USP12: variants seen among roughly 807,000 people sequenced by gnomAD.
The protein encoded by USP12 is ubiquitin carboxyl-terminal hydrolase 12.
In USP12, 19 loss-of-function variants were observed where a neutral mutation model predicts 45.5. The ratio of observed to expected loss-of-function variants is 0.42; its 90% CI spans 0.29 to 0.61. The LOEUF is 0.61. USP12 is among the 20% of genes least tolerant of loss of function. USP12 has a pLI of 0.22. For synonymous variants in USP12, 149 were observed against 148.8 expected (o/e 1.00, Z -0.01); for missense variants, 242 against 447.7 (o/e 0.54, Z 4.15).
chr13:27,095,667 T>C lies in USP12; in HGVS notation c.507A>G (p.Pro169=), dbSNP rs779190760. The change falls in exon 4 of 9, where the codon CCA becomes CCG. Residue 169 remains proline (P), a synonymous_variant. Transcript: ENST00000282344. Reference sequence around the variant, plus strand: ...CCTGAAAAATCTCATGAACCCACGTTGGGTCTGGTGTGCTGTTATTATTTT... The same window carrying C: ...CCTGAAAAATCTCATGAACCCACGTCGGGTCTGGTGTGCTGTTATTATTTT... ...DNENNNSTPD[P]TWVHEIFQGT... 6 of 1,612,766 alleles carry C rather than the reference T, an allele frequency of 3.7e-6. No homozygotes were observed. Among genetic ancestry groups the C allele is most frequent in the Non-Finnish European group, 5.1e-6 (6 of 1,179,458 alleles).
In USP12 at chr13:27,095,668, G is replaced by C. The variant is rs946174783; in HGVS notation, c.506C>G (p.Pro169Arg). 1.4e-5 allele frequency: 23 copies of C among 1,612,530 alleles called. No individual in the cohort carries two copies. In the African/African-American group the frequency reaches 1.7e-4, roughly 12 times the overall value. The change falls in exon 4 of 9, where the codon CCA (proline) becomes CGA (arginine). Residue 169 changes from proline to arginine, a missense_variant. This residue lies in a region of USP12 where 40 missense variants were observed against 38.6 expected (regional missense o/e 1.04). Coordinates refer to ENST00000282344, the MANE Select transcript of USP12 (RefSeq NM_182488.4). The stretch of plus-strand genomic sequence containing the variant: ...CTGAAAAATCTCATGAACCCACGTT[G>C]GGTCTGGTGTGCTGTTATTATTTTC... ...DNENNNSTPDPTWVHEIFQGT... is the reference protein window; with the variant it reads ...DNENNNSTPDRTWVHEIFQGT...
At chr13:27,159,688 T>C (rs1156245606) in intron 1 of USP12, among the ~76,000 whole-genome samples, 1 of 152,238 alleles carries the variant, frequency 6.6e-6, no homozygotes, top group East Asian at 1.9e-4. Flanking sequence ...TCTGAATCTG[T>C]GAAATGCCTA....
At chr13:27,156,039 AATG>A (rs1369600600) in intron 1 of USP12, among the ~76,000 whole-genome samples, 1 of 152,218 alleles carries the variant, frequency 6.6e-6, no homozygotes, top group African/African-American at 2.4e-5. Flanking sequence ...GGATCTAGGC[AATG>A]ATTATCAACA....
At chr13:27,163,504 A>G (rs572550115) in intron 1 of USP12, among the ~76,000 whole-genome samples, 7 of 152,258 alleles carry the variant, frequency 4.6e-5, no homozygotes, top group Admixed American at 2.6e-4. Context: ...ACATATAATT[A>G]CCATTACTTA....
rs889798639 is a variant in USP12, at chr13:27,067,641, A to C, written c.*1642T>G. 1.3e-5 allele frequency: 2 copies of C among 152,192 alleles called. No individual in the cohort carries two copies. The highest frequency in any genetic ancestry group is 2.9e-5 in the Non-Finnish European group (2 of 68,026). The allele number at this position is 152,192 out of a possible 1,614,324, so 9.4% of individuals were successfully genotyped here. Reference sequence around the variant, plus strand: ...AGTCATTTCCTGAGCCAAAAGATACAGATAATAAATGTTAATAATAGCAGC... The same window carrying C: ...AGTCATTTCCTGAGCCAAAAGATACCGATAATAAATGTTAATAATAGCAGC... On this transcript the variant is annotated 3_prime_UTR_variant, in exon 9 of 9. Coordinates refer to ENST00000282344, the MANE Select transcript of USP12 (RefSeq NM_182488.4).
intron 1 of USP12, among the ~76,000 whole-genome samples, chr13:27,141,133 A>C (rs926399794): frequency 6.8e-6 from 1 of 146,564 alleles, no homozygotes; most frequent in Admixed American, 7.1e-5. Flanking sequence ...CTTCTGCCCC[A>C]GCCTCCCGAG....
chr13:27,160,456 T>A, intron 1 of USP12, among the ~76,000 whole-genome samples: 1 of 146,692 alleles, frequency 6.8e-6, no homozygotes, highest in Non-Finnish European at 1.5e-5. Flanking sequence ...TAAAAACAAA[T>A]GAAACTAACC....
Position 27,116,546 on chromosome 13 carries a change from C to A in USP12, c.99G>T (p.Pro33=). ...CTAATCCAAAATAGTGCTCATTGACCGGAAACTGTTCTGGACCAATCTCTT... is the reference window on the plus strand; with the variant it reads ...CTAATCCAAAATAGTGCTCATTGACAGGAAACTGTTCTGGACCAATCTCTT... ...LEKEIGPEQF[P]VNEHYFGLVN... Residue 33 remains proline, a synonymous_variant, in exon 2 of 9, where the codon CCG becomes CCT. Coordinates refer to ENST00000282344, the MANE Select transcript of USP12 (RefSeq NM_182488.4). The A allele has an allele frequency of 1.2e-6, 2 of 1,613,154 alleles. No homozygotes were observed. Among genetic ancestry groups the A allele is most frequent in the Admixed American group, 1.7e-5 (1 of 59,986 alleles).
At chr13:27,119,255 A>C (rs1875875745) in intron 1 of USP12, among the ~76,000 whole-genome samples, 1 of 152,224 alleles carries the variant, frequency 6.6e-6, no homozygotes. Context: ...TAATACAAAA[A>C]AATAGATACT....
intron 6 of USP12, among the ~76,000 whole-genome samples, chr13:27,076,985 A>C (rs902641011): frequency 6.6e-6 from 1 of 152,210 alleles, no homozygotes; most frequent in African/African-American, 2.4e-5. Flanking sequence ...TTAAATGTAT[A>C]ATCTCAAAAA....
Position 27,068,272 on chromosome 13 carries a change from T to C in USP12, c.*1011A>G, listed in dbSNP as rs1873084475. On this transcript the variant is annotated 3_prime_UTR_variant, in exon 9 of 9. Coordinates refer to ENST00000282344, the MANE Select transcript of USP12 (RefSeq NM_182488.4). Reference sequence around the variant, plus strand: ...TATACCACCACTGCACCAGAATTTTTAATTATTCCAACAACTACAGGAATT... The same window carrying C: ...TATACCACCACTGCACCAGAATTTTCAATTATTCCAACAACTACAGGAATT... 1 of 152,624 alleles carries C rather than the reference T, an allele frequency of 6.6e-6. No individual in the cohort carries two copies. Among genetic ancestry groups the C allele is most frequent in the African/African-American group, 2.4e-5 (1 of 41,446 alleles). The allele number at this position is 152,624 out of a possible 1,614,324, so 9.5% of individuals were successfully genotyped here.
intron 1 of USP12, among the ~76,000 whole-genome samples, chr13:27,141,065 G>C (rs543594698): frequency 7.4e-4 from 109 of 146,974 alleles, no homozygotes; most frequent in Non-Finnish European, 1.4e-3. Flanking sequence ...CACCAGGCTG[G>C]AGCGCAGTGG....
chr13:27,103,745 C>CA (rs1225480806), intron 3 of USP12, among the ~76,000 whole-genome samples: 5,854 of 57,850 alleles, frequency 0.1, 180 homozygotes, highest in African/African-American at 0.12. Context: ...CCATCTCTAC[C>CA]AAAAAAAAAA....
At chr13:27,135,215 A>G (rs539734752) in intron 1 of USP12, among the ~76,000 whole-genome samples, 13 of 152,214 alleles carry the variant, frequency 8.5e-5, no homozygotes, top group South Asian at 2.1e-4. Context: ...AGCTGAAGGC[A>G]GAGGTTGCAG....
At chr13:27,091,711 A>C (rs1874323659) in intron 4 of USP12, among the ~76,000 whole-genome samples, 1 of 152,220 alleles carries the variant, frequency 6.6e-6, no homozygotes, top group African/African-American at 2.4e-5. Flanking sequence ...CAGAGTGAGA[A>C]GCAACCGACA....
intron 6 of USP12, 59 bp downstream of exon 6, chr13:27,089,824 C>A: frequency 6.5e-7 from 1 of 1,542,710 alleles, no homozygotes; most frequent in Non-Finnish European, 8.8e-7. Context: ...CTAAGCCCAC[C>A]TCCAACATCA....
At chr13:27,086,270 CATAT>C (rs1235836016) in intron 6 of USP12, among the ~76,000 whole-genome samples, 1 of 47,990 alleles carries the variant, frequency 2.1e-5, no homozygotes, top group African/African-American at 5.8e-5. Flanking sequence ...TATACATACA[CATAT>C]ATATAATTAC....
intron 1 of USP12, among the ~76,000 whole-genome samples, chr13:27,137,894 G>A (rs939658630): frequency 6.6e-6 from 1 of 152,258 alleles, no homozygotes; most frequent in African/African-American, 2.4e-5. Flanking sequence ...GAGGACTTAT[G>A]GAGAGGGCCA....
At chr13:27,141,489 AG>A (rs1220820044) in intron 1 of USP12, among the ~76,000 whole-genome samples, 32 of 152,220 alleles carry the variant, frequency 2.1e-4, no homozygotes, top group Admixed American at 2.0e-3. Context: ...GGAGAAAGGA[AG>A]ATACAAGATG....
Sources: gnomAD v4.1 joint callset for allele counts (sites outside exome capture counted in the v4.1 genomes callset) on GRCh38, gnomAD v4.1.1 for gene constraint, gnomAD v4.1.1 regional missense constraint, MANE v1.5 for transcripts, NCBI Gene and HGNC (gene_info 2026-07-23, HGNC 2026-07-21) for gene names.